Variants in GRIK1 observed in about 807,000 individuals in gnomAD.
GRIK1 encodes the protein glutamate ionotropic receptor kainate type subunit 1.
In GRIK1, 69 loss-of-function variants were observed where a neutral mutation model predicts 105.7. The ratio of observed to expected loss-of-function variants is 0.65; its 90% CI spans 0.54 to 0.80. The LOEUF is 0.80. Ranked by LOEUF, GRIK1 falls within the 30% of genes least tolerant of loss-of-function variation. GRIK1 has a pLI of 0.00. For synonymous variants in GRIK1, 438 were observed against 431.3 expected, an observed-to-expected ratio of 1.02 and a Z score of -0.19; for missense variants, 1,109 against 1,167.3, an observed-to-expected ratio of 0.95 and a Z score of 0.73.
intron 16 of GRIK1, among the ~76,000 whole-genome samples, chr21:29,542,541 G>C (rs1165680572): frequency 6.6e-6 from 1 of 152,140 alleles, no homozygotes; most frequent in Non-Finnish European, 1.5e-5. Context: ...TATAGATAAA[G>C]CTCTGGGCAA....
At chr21:29,612,927 G>A (rs363423) in intron 7 of GRIK1, among the ~76,000 whole-genome samples, 68,328 of 151,974 alleles carry the variant, frequency 0.45, 17,130 homozygotes, top group African/African-American at 0.68. Flanking sequence ...CATTTTAATT[G>A]CTATCAAGTT....
chr21:29,581,372 A>G (rs2091019801), intron 13 of GRIK1, 53 bp downstream of exon 13: 1 of 1,009,942 alleles, frequency 9.9e-7, no homozygotes, highest in Non-Finnish European at 1.6e-6. Context: ...CCAGCATGAA[A>G]GCCTGTCAGC....
chr21:29,755,037 A>G (rs2065300821), intron 1 of GRIK1, among the ~76,000 whole-genome samples: 1 of 152,232 alleles, frequency 6.6e-6, no homozygotes, highest in African/African-American at 2.4e-5. Flanking sequence ...GACTAATACA[A>G]GTAAGAATCT....
chr21:29,739,016 A>G (rs1031412560), intron 1 of GRIK1, among the ~76,000 whole-genome samples: 1 of 152,244 alleles, frequency 6.6e-6, no homozygotes, highest in Admixed American at 6.5e-5. Context: ...GCTGTCTACA[A>G]TGTGCCAGAA....
intron 4 of GRIK1, among the ~76,000 whole-genome samples, chr21:29,668,111 T>C (rs1024598097): frequency 6.6e-6 from 1 of 152,204 alleles, no homozygotes. Context: ...GTTTGGTTCA[T>C]TTATTCATTC....
chr21:29,681,293 C>T (rs1201833557), intron 3 of GRIK1, among the ~76,000 whole-genome samples: 3 of 151,598 alleles, frequency 2.0e-5, no homozygotes, highest in African/African-American at 7.3e-5. Context: ...GCTCAAAACT[C>T]TTCCACGGCT....
rs544536688 is a variant in GRIK1, at chr21:29,632,263, C to A, written c.1098+10563G>T. Among the ~76,000 whole-genome samples, 3 of 152,096 alleles carry A rather than the reference C, an allele frequency of 2.0e-5. No individual in the cohort carries two copies. The South Asian group carries it at 6.2e-4, about 32-fold the overall frequency. On this transcript the variant is annotated intron_variant, in intron 7 of 17. Coordinates refer to ENST00000327783, the MANE Select transcript of GRIK1 (RefSeq NM_001330994.2). ...TTTCAATGATCCTTGTCTGATTTCC[C>A]TGACTAGAGTATAAGTTTCATGAGA...
At chr21:29,609,013 T>C (rs1426571822) in intron 7 of GRIK1, among the ~76,000 whole-genome samples, 4 of 151,928 alleles carry the variant, frequency 2.6e-5, no homozygotes, top group Non-Finnish European at 5.9e-5. Context: ...TATATGGCTT[T>C]AATATCTTAT....
At position 29,555,042 on chromosome 21, in the gene GRIK1, G is replaced by T; in HGVS notation, c.2607+10C>A. 1 of 1,601,568 alleles carries T rather than the reference G, an allele frequency of 6.2e-7. No individual in the cohort carries two copies. Among genetic ancestry groups the T allele is most frequent in the Non-Finnish European group, 8.5e-7 (1 of 1,169,740 alleles). ...TATAAACTAACCAGTCCTAGAAAGA[G>T]ATGACTCACCTGTTCAATATCATTA... On this transcript the variant is annotated intron_variant, in intron 16 of 17. Coordinates refer to ENST00000327783, the MANE Select transcript of GRIK1 (RefSeq NM_001330994.2).
In GRIK1 at chr21:29,693,958, G is replaced by C. The variant is rs1252992685; in HGVS notation, c.224C>G (p.Thr75Ser). 1 of 1,612,718 alleles carries C rather than the reference G, an allele frequency of 6.2e-7. No individual in the cohort carries two copies. Among genetic ancestry groups the C allele is most frequent in the Non-Finnish European group, 8.5e-7 (1 of 1,178,754 alleles). Reference sequence around the variant, plus strand: ...TCTCTGGATGTCATAGGTTAATGTGGTGTTAGGCATCAGGGTTCGGTTTCT... The same window carrying C: ...TCTCTGGATGTCATAGGTTAATGTGCTGTTAGGCATCAGGGTTCGGTTTCT... ...INRNRTLMPN[T>S]TLTYDIQRIN... Residue 75 changes from threonine (T) to serine (S), a missense_variant, in exon 2 of 18, where the codon ACC becomes AGC. By Grantham distance (58) the Thr-to-Ser change is moderately conservative. Coordinates refer to ENST00000327783, the MANE Select transcript of GRIK1 (RefSeq NM_001330994.2).
chr21:29,669,952 G>A (rs560796030), intron 4 of GRIK1, among the ~76,000 whole-genome samples: 7 of 152,150 alleles, frequency 4.6e-5, no homozygotes, highest in South Asian at 2.1e-4. Context: ...AGAGTGCTTG[G>A]GCCTTACTTT....
intron 12 of GRIK1, among the ~76,000 whole-genome samples, chr21:29,586,053 C>T (rs961211847): frequency 1.3e-5 from 2 of 152,162 alleles, no homozygotes; most frequent in Non-Finnish European, 1.5e-5. Context: ...CCAAATGTTC[C>T]CTGGGGGACA....
chr21:29,615,500 G>C (rs770975323), intron 7 of GRIK1, among the ~76,000 whole-genome samples: 11 of 152,008 alleles, frequency 7.2e-5, no homozygotes, highest in Non-Finnish European at 1.3e-4. Flanking sequence ...GTAGAGACAG[G>C]GTTTTACCAT....
chr21:29,801,202 T>C (rs2066700651), intron 1 of GRIK1, among the ~76,000 whole-genome samples: 1 of 151,878 alleles, frequency 6.6e-6, no homozygotes, highest in Non-Finnish European at 1.5e-5. Context: ...TGGCCTCCCA[T>C]ACACGCAGGC....
intron 1 of GRIK1, among the ~76,000 whole-genome samples, chr21:29,706,125 C>T (rs868436465): frequency 6.6e-6 from 1 of 152,120 alleles, no homozygotes; most frequent in Non-Finnish European, 1.5e-5. Context: ...CTGTCCGCCT[C>T]GGCCTCCCAA....
chr21:29,772,176 C>T (rs1329339881), intron 1 of GRIK1, among the ~76,000 whole-genome samples: 5 of 152,104 alleles, frequency 3.3e-5, no homozygotes, highest in Admixed American at 3.3e-4. Context: ...AATGTTTAAA[C>T]ACTCTTGGCT....
chr21:29,850,620 A>G (rs2068275248), intron 1 of GRIK1, among the ~76,000 whole-genome samples: 1 of 152,230 alleles, frequency 6.6e-6, no homozygotes, highest in South Asian at 2.1e-4. Context: ...GTCCTTGTTT[A>G]GTGCTCATAA....
At chr21:29,566,135 A>G (rs1568825288) in intron 14 of GRIK1, among the ~76,000 whole-genome samples, 1 of 152,228 alleles carries the variant, frequency 6.6e-6, no homozygotes, top group Non-Finnish European at 1.5e-5. Context: ...TATCATACAT[A>G]TTAAAAGACC....
At chr21:29,867,797 GAAGAAAGA>G (rs548130429) in intron 1 of GRIK1, among the ~76,000 whole-genome samples, 7 of 137,218 alleles carry the variant, frequency 5.1e-5, no homozygotes, top group African/African-American at 2.0e-4. Context: ...TATGTCGAAA[GAAGAAAGA>G]AAGAAAGAAA....
Sources: gnomAD v4.1 joint callset for allele counts (sites outside exome capture counted in the v4.1 genomes callset) on GRCh38, gnomAD v4.1.1 for gene constraint, MANE v1.5 for transcripts, NCBI Gene and HGNC (gene_info 2026-07-23, HGNC 2026-07-21) for gene names.